The following ZBTB7A variants were observed in gnomAD, a reference collection of about 807,000 sequenced individuals.
The protein encoded by ZBTB7A is zinc finger and BTB domain containing 7A, also known as zinc finger and BTB domain-containing protein 7A.
Under a neutral mutation model 26.7 loss-of-function variants are expected in ZBTB7A, and 7 were observed. The observed-to-expected ratio is 0.26, with a 90% CI of 0.15 to 0.49. The LOEUF (loss-of-function observed/expected upper bound fraction) is 0.49. Among genes scored for constraint, ZBTB7A ranks in the 20% least tolerant of loss-of-function variants. The pLI is 0.98. For synonymous variants in ZBTB7A, 452 were observed against 441.0 expected (o/e 1.02, Z -0.31); for missense variants, 617 against 919.5 (o/e 0.67, Z 4.25).
At chr19:4,065,112 C>A (rs976954023) in intron 1 of ZBTB7A, among the ~76,000 whole-genome samples, 284 of 151,882 alleles carry the variant, frequency 1.9e-3, no homozygotes, top group Non-Finnish European at 2.6e-3. Flanking sequence ...CAGCTCCCCC[C>A]TCCCCTGCCC....
At position 4,044,953 on chromosome 19, in the gene ZBTB7A, G is replaced by T. The variant is rs533503945; in HGVS notation, c.*2799C>A. ...GTCTATATACAGTATGTGATTGCGC[G>T]GAGTCTGGGGAGGGCGGGGCTGGGC... On this transcript the variant is annotated 3_prime_UTR_variant, in exon 3 of 3. Transcript: ENST00000322357. The T allele has an allele frequency of 6.6e-6, 1 of 151,614 alleles. No individual in the cohort carries two copies. Among genetic ancestry groups the T allele is most frequent in the African/African-American group, 2.4e-5 (1 of 41,284 alleles). 9.4% of individuals were successfully genotyped at this position (151,614 alleles called of 1,614,324 possible).
chr19:4,066,349 C>G (rs1379476362), intron 1 of ZBTB7A, among the ~76,000 whole-genome samples: 2 of 150,862 alleles, frequency 1.3e-5, no homozygotes, highest in African/African-American at 4.9e-5. Flanking sequence ...CCGGCTCCCC[C>G]CACCCTCAAT....
chr19:4,064,330 C>G (rs528700414), intron 1 of ZBTB7A, among the ~76,000 whole-genome samples: 4 of 152,368 alleles, frequency 2.6e-5, no homozygotes, highest in East Asian at 1.9e-4. Context: ...CTCCTGCCCC[C>G]CCTTCTCCCC....
chr19:4,053,043 C>T (rs1303231148), intron 2 of ZBTB7A, among the ~76,000 whole-genome samples: 2 of 152,238 alleles, frequency 1.3e-5, no homozygotes, highest in Non-Finnish European at 2.9e-5. Flanking sequence ...AGCCGCTCCA[C>T]GGCCTGGGCT....
intron 2 of ZBTB7A, among the ~76,000 whole-genome samples, chr19:4,051,096 CAAAAAAAAAAAAA>C (rs71166952): frequency 9.4e-5 from 4 of 42,422 alleles, no homozygotes; most frequent in South Asian, 1.5e-3. Context: ...AGACTCGTCT[CAAAAAAAAAAAAA>C]AAAAAAAAAA....
chr19:4,046,193 GAACACC>G lies in ZBTB7A; in HGVS notation c.*1553_*1558del, dbSNP rs2040414278. On this transcript the variant is annotated 3_prime_UTR_variant, in exon 3 of 3. Transcript: ENST00000322357. ...AGGGGGAGCGGGGGGAACACAGCAC[GAACACC>G]CCACAGTCCTGCCTTCGAGGCTGAC... 3 of 397,394 alleles carry G rather than the reference GAACACC, an allele frequency of 7.5e-6. No individual in the cohort carries two copies. The South Asian group carries it at 4.2e-4, about 56-fold the overall frequency. 24.6% of individuals were successfully genotyped at this position (397,394 alleles called of 1,614,324 possible).
rs1491195009 is a variant in ZBTB7A, at chr19:4,046,449, T to TC, written c.*1302_*1303insG. Reference sequence around the variant, plus strand: ...CTCGCTCGCTTTTTTTTTTTTTTTTTGTCTTTTCAACTTTTCATAGAAGTT... The same window carrying TC: ...CTCGCTCGCTTTTTTTTTTTTTTTTTCGTCTTTTCAACTTTTCATAGAAGTT... On this transcript the variant is annotated 3_prime_UTR_variant, in exon 3 of 3. Transcript: ENST00000322357. 144 of 92,168 alleles carry TC rather than the reference T, an allele frequency of 1.6e-3. 1 individual carries two copies. Among genetic ancestry groups the TC allele is most frequent in the Non-Finnish European group, 2.9e-3 (123 of 42,086 alleles). The allele number at this position is 92,168 out of a possible 1,614,324, so 5.7% of individuals were successfully genotyped here. A position where few individuals can be genotyped will look rare whatever the true frequency, so the allele number is the denominator to read the frequency against.
chr19:4,063,871 C>T (rs957656470), intron 1 of ZBTB7A, among the ~76,000 whole-genome samples: 10 of 152,208 alleles, frequency 6.6e-5, no homozygotes, highest in Admixed American at 2.6e-4. Flanking sequence ...GAGGCTTGCT[C>T]TAACCTCCGG....
Position 4,046,100 on chromosome 19 carries a change from G to A in ZBTB7A, c.*1652C>T, listed in dbSNP as rs985003265. The A allele has an allele frequency of 2.3e-5, 9 of 398,914 alleles. No homozygotes were observed. Among genetic ancestry groups the A allele is most frequent in the Admixed American group, 4.4e-5 (1 of 22,710 alleles). The allele number at this position is 398,914 out of a possible 1,614,324, so 24.7% of individuals were successfully genotyped here. A position where few individuals can be genotyped will look rare whatever the true frequency, so the allele number is the denominator to read the frequency against. ...CCATCCCTGAGCTAGGGAGGAGGAA[G>A]GAGAGACCCCGTGGACAGAAGCGGG... On this transcript the variant is annotated 3_prime_UTR_variant, in exon 3 of 3. Transcript: ENST00000322357.
In ZBTB7A at chr19:4,054,438, G is replaced by A; in HGVS notation, c.795C>T (p.Ala265=). The part of the protein sequence containing the change: ...GLFPPPVAPP[A]ATQNGHYGRG... Reference sequence around the variant, plus strand: ...GGCCGTAGTGGCCGTTCTGCGTGGCGGCCGGCGGGGCCACCGGCGGCGGAA... The same window carrying A: ...GGCCGTAGTGGCCGTTCTGCGTGGCAGCCGGCGGGGCCACCGGCGGCGGAA... The change falls in exon 2 of 3, where the codon GCC becomes GCT. Residue 265 remains alanine (A), a synonymous_variant. Transcript: ENST00000322357. 1 of 1,357,468 alleles carries A rather than the reference G, an allele frequency of 7.4e-7. No individual in the cohort carries two copies. The highest frequency in any genetic ancestry group is 9.4e-7 in the Non-Finnish European group (1 of 1,062,356). 84.1% of individuals were successfully genotyped at this position (1,357,468 alleles called of 1,614,324 possible).
intron 2 of ZBTB7A, among the ~76,000 whole-genome samples, chr19:4,049,166 G>GTATATATATATA (rs1186333792): frequency 1.1e-3 from 15 of 13,470 alleles, no homozygotes; most frequent in African/African-American, 1.9e-3. Flanking sequence ...GTGTGTGTGT[G>GTATATATATATA]TGTATATATA....
rs1367410240 is a variant in ZBTB7A, at chr19:4,048,772, G to C, written c.1263-528C>G. Among the ~76,000 whole-genome samples the C allele has an allele frequency of 6.6e-6, 1 of 152,012 alleles. No individual in the cohort carries two copies. Among genetic ancestry groups the C allele is most frequent in the East Asian group, 1.9e-4 (1 of 5,146 alleles). Reference sequence around the variant, plus strand: ...GAAGGCTGAGGCAGGAGGATCACTTGTATCTGGGAGGTGGAGGTTGCAGTG... The same window carrying C: ...GAAGGCTGAGGCAGGAGGATCACTTCTATCTGGGAGGTGGAGGTTGCAGTG... On this transcript the variant is annotated intron_variant, in intron 2 of 2. Coordinates refer to ENST00000322357, the MANE Select transcript of ZBTB7A (RefSeq NM_015898.4). The surrounding 1 kb of genome is among the most constrained non-coding windows in gnomAD (Gnocchi z 6.7).
At chr19:4,050,368 CTT>C (rs1162644670) in intron 2 of ZBTB7A, among the ~76,000 whole-genome samples, 3 of 152,216 alleles carry the variant, frequency 2.0e-5, no homozygotes, top group Non-Finnish European at 2.9e-5. Flanking sequence ...GCCGGTCTCT[CTT>C]GTTTCTGTTG....
chr19:4,043,444 A>AT lies in ZBTB7A; in HGVS notation c.*4307dup, dbSNP rs1446100279. On this transcript the variant is annotated 3_prime_UTR_variant, in exon 3 of 3. Coordinates refer to ENST00000322357, the MANE Select transcript of ZBTB7A (RefSeq NM_015898.4). Reference sequence around the variant, plus strand: ...CTCCCTCCCCACTCCCAAAAAGTGCATTTTTATCAGTTTTTTTTTTTTTTA... The same window carrying AT: ...CTCCCTCCCCACTCCCAAAAAGTGCATTTTTTATCAGTTTTTTTTTTTTTTA... Among the ~76,000 whole-genome samples, 107 of 121,442 alleles carry AT rather than the reference A, an allele frequency of 8.8e-4. No homozygotes were observed. In the Admixed American group the frequency reaches 1.0e-2, roughly 11 times the overall value. The allele number at this position is 121,442 out of a possible 152,430, so 79.7% of individuals were successfully genotyped here.
intron 1 of ZBTB7A, chr19:4,065,638 A>C (rs2040687813): frequency 2.2e-5 from 3 of 135,990 alleles, no homozygotes; most frequent in South Asian, 2.4e-4. Flanking sequence ...CGCCTCCCCC[A>C]CGCCCGGGCC....
rs2040559741 is a variant in ZBTB7A at position 4,054,876 on chromosome 19, C to G, written c.357G>C (p.Val119=). ...CCAGGAGGTCGGCGCACACGTGGCT[C>G]ACGGCGGGGATCTCCAGCAGGCGGG... The part of the protein sequence containing the change: ...SAARLLEIPA[V]SHVCADLLDR... Residue 119 remains valine (V), a synonymous_variant, in exon 2 of 3, where the codon GTG becomes GTC. Coordinates refer to ENST00000322357, the MANE Select transcript of ZBTB7A (RefSeq NM_015898.4). The G allele has an allele frequency of 6.2e-7, 1 of 1,606,418 alleles. No homozygotes were observed. The highest frequency in any genetic ancestry group is 8.5e-7 in the Non-Finnish European group (1 of 1,176,250).
chr19:4,050,491 G>A (rs2040491433), intron 2 of ZBTB7A, among the ~76,000 whole-genome samples: 1 of 152,224 alleles, frequency 6.6e-6, no homozygotes, highest in Non-Finnish European at 1.5e-5. Context: ...TGGGGGCAGC[G>A]TGGACCCAGC....
At chr19:4,064,435 G>T (rs1156541219) in intron 1 of ZBTB7A, among the ~76,000 whole-genome samples, 1 of 152,180 alleles carries the variant, frequency 6.6e-6, no homozygotes, top group African/African-American at 2.4e-5. Context: ...GGCCCTCGCG[G>T]ACAAACGCCC....
At chr19:4,053,919 G>C in intron 2 of ZBTB7A, 52 bp downstream of exon 2, 1 of 1,532,892 alleles carries the variant, frequency 6.5e-7, no homozygotes, top group Non-Finnish European at 8.7e-7. Flanking sequence ...CGTGAGCGGC[G>C]GATGCTGGGG....
Sources: gnomAD v4.1 joint callset for allele counts (sites outside exome capture counted in the v4.1 genomes callset) on GRCh38, gnomAD v4.1.1 for gene constraint, Gnocchi (gnomAD v3.1) non-coding constraint, MANE v1.5 for transcripts, NCBI Gene and HGNC (gene_info 2026-07-23, HGNC 2026-07-21) for gene names.